The following FGGY variants were observed in gnomAD, a reference collection of about 807,000 sequenced individuals.
FGGY encodes FGGY carbohydrate kinase domain-containing protein.
Under a neutral mutation model 71.3 loss-of-function variants are expected in FGGY, and 72 were observed. The ratio of observed to expected loss-of-function variants is 1.01; its 90% confidence interval spans 0.84 to 1.23. The LOEUF (loss-of-function observed/expected upper bound fraction) is 1.23, where lower values mean the gene tolerates loss of function less well. Ranked by LOEUF, FGGY falls within the 50% of genes most tolerant of loss-of-function variation. The pLI is 0.00. For synonymous variants in FGGY, 251 were observed against 250.3 expected, an observed-to-expected ratio of 1.00 and a Z score of -0.02; for missense variants, 668 against 682.3, an observed-to-expected ratio of 0.98 and a Z score of 0.23.
chr1:59,749,402 C>A (rs1381696549), intron 14 of FGGY, among the ~76,000 whole-genome samples: 5 of 152,046 alleles, frequency 3.3e-5, no homozygotes, highest in African/African-American at 1.2e-4. Context: ...GCTGTGGGGT[C>A]TGACACTAAC....
chr1:59,654,751 G>A (rs144859349), intron 11 of FGGY, among the ~76,000 whole-genome samples: 1 of 152,272 alleles, frequency 6.6e-6, no homozygotes, highest in East Asian at 1.9e-4. Flanking sequence ...CCACACCAAA[G>A]GTTCAGTAAA....
chr1:59,650,443 A>C (rs1292965386), intron 11 of FGGY, among the ~76,000 whole-genome samples: 1 of 112,844 alleles, frequency 8.9e-6, no homozygotes, highest in Non-Finnish European at 1.7e-5. Context: ...TTATTGGTCT[A>C]TTCAGAGATT....
chr1:59,688,099 C>G (rs777998232), intron 14 of FGGY, among the ~76,000 whole-genome samples: 1 of 152,176 alleles, frequency 6.6e-6, no homozygotes, highest in Non-Finnish European at 1.5e-5. Context: ...AGGCCAGGAG[C>G]CTCAGGTAGC....
chr1:59,378,858 A>T, intron 5 of FGGY, 21 bp downstream of exon 5: 1 of 1,593,676 alleles, frequency 6.3e-7, no homozygotes, highest in South Asian at 1.1e-5. Flanking sequence ...TACAAGTTGG[A>T]TTGTGTTTGC....
intron 9 of FGGY, among the ~76,000 whole-genome samples, chr1:59,610,912 C>T (rs2096670347): frequency 6.6e-6 from 1 of 152,252 alleles, no homozygotes; most frequent in African/African-American, 2.4e-5. Context: ...GCCTTGCTCA[C>T]TGCCAGCACA....
At chr1:59,365,602 T>C (rs976026317) in intron 4 of FGGY, among the ~76,000 whole-genome samples, 1 of 152,222 alleles carries the variant, frequency 6.6e-6, no homozygotes, top group Non-Finnish European at 1.5e-5. Context: ...GGGCTGGGCA[T>C]TAGCGATGCA....
At chr1:59,556,683 TCATC>T (rs889343181) in intron 8 of FGGY, among the ~76,000 whole-genome samples, 1 of 152,218 alleles carries the variant, frequency 6.6e-6, no homozygotes, top group Admixed American at 6.5e-5. Flanking sequence ...TTCAGATTCT[TCATC>T]CATCAAATTG....
At chr1:59,302,251 A>G (rs1360867252) in intron 1 of FGGY, among the ~76,000 whole-genome samples, 1 of 152,162 alleles carries the variant, frequency 6.6e-6, no homozygotes, top group Non-Finnish European at 1.5e-5. Flanking sequence ...TGTATCAGCT[A>G]AATACCTGAC....
At chr1:59,537,516 C>G (rs907106038) in intron 7 of FGGY, among the ~76,000 whole-genome samples, 1 of 152,140 alleles carries the variant, frequency 6.6e-6, no homozygotes, top group East Asian at 1.9e-4. Flanking sequence ...TCATATGGAA[C>G]CAAAAAGAGC....
At chr1:59,550,881 C>T (rs1380581427) in intron 7 of FGGY, among the ~76,000 whole-genome samples, 1 of 152,270 alleles carries the variant, frequency 6.6e-6, no homozygotes, top group Middle Eastern at 3.4e-3. Flanking sequence ...ATCCATGTGG[C>T]CTTGGGCAAG....
At chr1:59,724,238 G>A (rs1027308396) in intron 14 of FGGY, among the ~76,000 whole-genome samples, 3 of 151,794 alleles carry the variant, frequency 2.0e-5, no homozygotes, top group African/African-American at 7.3e-5. Flanking sequence ...CAGCACTTTG[G>A]GAGGCCGAGG....
intron 8 of FGGY, among the ~76,000 whole-genome samples, chr1:59,561,025 G>C (rs1336210207): frequency 6.6e-6 from 1 of 152,216 alleles, no homozygotes. Context: ...ATGTGGGTGT[G>C]TATGAGCCCT....
chr1:59,669,583 C>T (rs1172784460), intron 13 of FGGY, among the ~76,000 whole-genome samples: 1 of 106,040 alleles, frequency 9.4e-6, no homozygotes, highest in East Asian at 3.0e-4. Flanking sequence ...TTGGTAGAGA[C>T]AGGGTTTCAC....
intron 7 of FGGY, among the ~76,000 whole-genome samples, chr1:59,538,183 G>T (rs1296510106): frequency 6.6e-6 from 1 of 152,046 alleles, no homozygotes; most frequent in Non-Finnish European, 1.5e-5. Context: ...AGTGGGCGAG[G>T]GACATAAACA....
intron 8 of FGGY, among the ~76,000 whole-genome samples, chr1:59,558,107 T>A (rs189187611): frequency 6.6e-6 from 1 of 152,318 alleles, no homozygotes; most frequent in East Asian, 1.9e-4. Context: ...TTTCTGCATC[T>A]GTTAAATGTG....
chr1:59,460,731 CTGTTCTGCAGTATTTGT>C (rs2092123110), intron 6 of FGGY, among the ~76,000 whole-genome samples: 1 of 152,222 alleles, frequency 6.6e-6, no homozygotes, highest in Non-Finnish European at 1.5e-5. Context: ...GCAATATTTG[CTGTTCTGCAGTATTTGT>C]TGTTCTGCAG....
chr1:59,400,543 TTG>T (rs1464614964), intron 5 of FGGY, among the ~76,000 whole-genome samples: 9 of 149,472 alleles, frequency 6.0e-5, no homozygotes, highest in South Asian at 2.1e-4. Flanking sequence ...CAATTCTGTT[TTG>T]TTTTTTTTTT....
chr1:59,555,430 T>G (rs1444572044), intron 8 of FGGY, among the ~76,000 whole-genome samples: 1 of 152,128 alleles, frequency 6.6e-6, no homozygotes, highest in African/African-American at 2.4e-5. Context: ...ATCTACAATA[T>G]GTAGAGAGTG....
intron 1 of FGGY, among the ~76,000 whole-genome samples, chr1:59,302,699 G>A (rs1446430683): frequency 6.6e-6 from 1 of 151,442 alleles, no homozygotes; most frequent in African/African-American, 2.4e-5. Flanking sequence ...TAGGAGGAAA[G>A]AGGATTAGAA....
Sources: gnomAD v4.1 joint callset for allele counts (sites outside exome capture counted in the v4.1 genomes callset) on GRCh38, gnomAD v4.1.1 for gene constraint, MANE v1.5 for transcripts, NCBI Gene and HGNC (gene_info 2026-07-23, HGNC 2026-07-21) for gene names.